The following FBXO15 variants were observed in gnomAD, a reference collection of about 807,000 sequenced individuals.
FBXO15 encodes F-box protein 15, also known as F-box only protein 15.
Under a neutral mutation model 49.5 loss-of-function variants are expected in FBXO15, and 30 were observed. The ratio of observed to expected loss-of-function variants is 0.61; its 90% CI spans 0.45 to 0.82. FBXO15 has a LOEUF of 0.82. Ranked by LOEUF, FBXO15 falls within the 40% of genes least tolerant of loss-of-function variation. FBXO15 has a pLI of 0.00. For missense variants in FBXO15, 591 were observed against 631.5 expected (o/e 0.94, Z 0.69); for synonymous variants, 250 against 232.7 (o/e 1.07, Z -0.68).
chr18:74,118,900 T>C (rs1599167652), intron 8 of FBXO15, among the ~76,000 whole-genome samples: 1 of 152,282 alleles, frequency 6.6e-6, no homozygotes, highest in East Asian at 1.9e-4. Context: ...TACACAGTCA[T>C]GTACTTTAGA....
At chr18:74,125,905 A>C (rs1914686987) in intron 6 of FBXO15, 70 bp downstream of exon 6, 1 of 1,576,828 alleles carries the variant, frequency 6.3e-7, no homozygotes, top group Non-Finnish European at 8.6e-7. Context: ...TTGAAGTCAT[A>C]CATAATGGTA....
At chr18:74,083,183 G>A (rs1280469071) in intron 8 of FBXO15, among the ~76,000 whole-genome samples, 1 of 152,196 alleles carries the variant, frequency 6.6e-6, no homozygotes, top group Non-Finnish European at 1.5e-5. Flanking sequence ...TCTGTTCCAA[G>A]GACAGAGGCA....
At chr18:74,082,166 C>T (rs554938498) in intron 8 of FBXO15, 115 bp from the exon 9 acceptor site, 3 of 1,024,788 alleles carry the variant, frequency 2.9e-6, no homozygotes, top group South Asian at 1.8e-5. Context: ...CTGGCCTCAG[C>T]GATGAGGGCA....
chr18:74,119,598 G>A (rs1914384808), intron 8 of FBXO15, among the ~76,000 whole-genome samples: 1 of 152,176 alleles, frequency 6.6e-6, no homozygotes, highest in Non-Finnish European at 1.5e-5. Context: ...ATCAGGCTCA[G>A]AGAGACATGA....
At position 74,075,872 on chromosome 18, in the gene FBXO15, A is replaced by G. The variant is rs898279647; in HGVS notation, c.1264-2142T>C. ...CTCTCCCCATAAATGGAACTCATCT[A>G]CATTCACATCCTAAGTTATCACCAA... is the stretch of plus-strand genomic sequence containing the variant. On this transcript the variant is annotated intron_variant, in intron 9 of 9. Transcript: ENST00000419743. The surrounding 1 kb of genome is among the most constrained non-coding windows in gnomAD (Gnocchi z 4.1). Among the ~76,000 whole-genome samples, 1 of 152,194 alleles carries G rather than the reference A, an allele frequency of 6.6e-6. No individual in the cohort carries two copies. Among genetic ancestry groups the G allele is most frequent in the Admixed American group, 6.5e-5 (1 of 15,276 alleles).
At chr18:74,131,543 C>T (rs1978392019) in intron 3 of FBXO15, among the ~76,000 whole-genome samples, 1 of 152,186 alleles carries the variant, frequency 6.6e-6, no homozygotes, top group South Asian at 2.1e-4. Flanking sequence ...TCAGCTCTGA[C>T]TCAAAGTCTG....
chr18:74,137,196 A>G (rs1978775329), intron 2 of FBXO15, among the ~76,000 whole-genome samples: 1 of 150,272 alleles, frequency 6.7e-6, no homozygotes, highest in African/African-American at 2.4e-5. Context: ...ATCAGTCCCC[A>G]AAATAAAACC....
chr18:74,105,213 G>A (rs1237790790), intron 8 of FBXO15, among the ~76,000 whole-genome samples: 3 of 152,152 alleles, frequency 2.0e-5, no homozygotes, highest in East Asian at 3.9e-4. Context: ...TTTGACAGAA[G>A]AGATAAAACC....
At chr18:74,099,829 T>G (rs1199976155) in intron 8 of FBXO15, 1 of 152,158 alleles carries the variant, frequency 6.6e-6, no homozygotes, top group African/African-American at 2.4e-5. Context: ...GGGGACATTA[T>G]GTAATGATAA....
At chr18:74,094,108 A>T (rs1295461561) in intron 8 of FBXO15, among the ~76,000 whole-genome samples, 1 of 152,222 alleles carries the variant, frequency 6.6e-6, no homozygotes, top group Admixed American at 6.5e-5. Flanking sequence ...TTGCATGACT[A>T]GATGTATTCT....
In FBXO15 at chr18:74,082,031, C is replaced by A; in HGVS notation, c.1159G>T (p.Val387Leu). 6.2e-7 allele frequency: 1 copy of A among 1,611,508 alleles called. No individual in the cohort carries two copies. ...TKRGNIENGHVKLIVIHLKNN... is the reference protein window; with the variant it reads ...TKRGNIENGHLKLIVIHLKNN... ...TTTAAATGTATAACAATGAGCTTCA[C>A]ATGTCCATTTTCAATATTTCCTGAA... Residue 387 changes from valine to leucine, a missense_variant, in exon 9 of 10, where the codon GTG becomes TTG. Physicochemically the swap from Val to Leu is conservative, Grantham distance 32 (BLOSUM62 1). Coordinates refer to ENST00000419743, the MANE Select transcript of FBXO15 (RefSeq NM_001142958.2).
intron 8 of FBXO15, among the ~76,000 whole-genome samples, chr18:74,096,614 G>C (rs921752646): frequency 2.0e-5 from 3 of 149,832 alleles, no homozygotes; most frequent in African/African-American, 7.4e-5. Context: ...AGAAAGAAGA[G>C]CGAACAGGGA....
intron 8 of FBXO15, among the ~76,000 whole-genome samples, chr18:74,119,145 C>A (rs1254682376): frequency 1.3e-5 from 2 of 152,214 alleles, no homozygotes; most frequent in African/African-American, 2.4e-5. Context: ...AAGGGCCAGC[C>A]TGCAGCTCTG....
chr18:74,080,933 T>G (rs946003224), intron 9 of FBXO15, among the ~76,000 whole-genome samples: 2 of 152,226 alleles, frequency 1.3e-5, no homozygotes, highest in Non-Finnish European at 2.9e-5. Flanking sequence ...CAAGGTCTAT[T>G]TTGACGTGAA....
intron 1 of FBXO15, among the ~76,000 whole-genome samples, chr18:74,146,075 A>G (rs1979393800): frequency 6.6e-6 from 1 of 152,224 alleles, no homozygotes; most frequent in African/African-American, 2.4e-5. Flanking sequence ...GATAGCTTTC[A>G]ATAAGTCCAA....
At chr18:74,139,581 T>C (rs1269740306) in intron 2 of FBXO15, among the ~76,000 whole-genome samples, 6 of 152,234 alleles carry the variant, frequency 3.9e-5, no homozygotes, top group Non-Finnish European at 7.3e-5. Flanking sequence ...AACTTATATC[T>C]GAATCACACA....
At chr18:74,116,161 A>C (rs577765939) in intron 8 of FBXO15, among the ~76,000 whole-genome samples, 2 of 152,366 alleles carry the variant, frequency 1.3e-5, no homozygotes, top group African/African-American at 4.8e-5. Context: ...CAGGAAAAGA[A>C]GCAAATGAGA....
intron 8 of FBXO15, among the ~76,000 whole-genome samples, chr18:74,106,631 C>T (rs1163779263): frequency 6.6e-6 from 1 of 152,040 alleles, no homozygotes; most frequent in East Asian, 1.9e-4. Flanking sequence ...AAGTCAGATC[C>T]TAAGAAGATT....
At chr18:74,108,309 C>T (rs1006672215) in intron 8 of FBXO15, among the ~76,000 whole-genome samples, 1 of 151,856 alleles carries the variant, frequency 6.6e-6, no homozygotes, top group Non-Finnish European at 1.5e-5. Flanking sequence ...TAAAAAAAGA[C>T]AGCATGCAAG....
Sources: gnomAD v4.1 joint callset for allele counts (sites outside exome capture counted in the v4.1 genomes callset) on GRCh38, gnomAD v4.1.1 for gene constraint, Gnocchi (gnomAD v3.1) non-coding constraint, MANE v1.5 for transcripts, NCBI Gene and HGNC (gene_info 2026-07-23, HGNC 2026-07-21) for gene names.